Variants in PICALM observed in about 807,000 individuals in gnomAD.
The protein encoded by PICALM is phosphatidylinositol-binding clathrin assembly protein.
Under a neutral mutation model 80.5 loss-of-function variants are expected in PICALM, and 40 were observed. The ratio of observed to expected loss-of-function variants is 0.50; its 90% CI spans 0.39 to 0.65. PICALM has a LOEUF of 0.65. PICALM is among the 30% of genes least tolerant of loss of function. The probability of loss-of-function intolerance (pLI) is 0.00; values close to 1 mark genes in which losing one functional copy is unlikely to be tolerated. For missense variants in PICALM, 676 were observed against 778.9 expected (o/e 0.87, Z 1.57); for synonymous variants, 288 against 260.3 (o/e 1.11, Z -1.02).
chr11:86,043,057 C>T (rs1480573676), intron 1 of PICALM, among the ~76,000 whole-genome samples: 3 of 152,038 alleles, frequency 2.0e-5, no homozygotes, highest in Non-Finnish European at 4.4e-5. Flanking sequence ...GTCCAGGGTC[C>T]CATTCAGATA....
intron 11 of PICALM, among the ~76,000 whole-genome samples, 155 bp from the exon 12 acceptor site, chr11:85,997,084 C>T (rs2094990821): frequency 6.6e-6 from 1 of 152,158 alleles, no homozygotes. Context: ...CTTCATATGA[C>T]AGCATATTTC....
At chr11:86,007,143 TCAAA>T (rs1406617615) in intron 8 of PICALM, among the ~76,000 whole-genome samples, 2 of 152,200 alleles carry the variant, frequency 1.3e-5, no homozygotes, top group African/African-American at 2.4e-5. Context: ...CCCACCTGAG[TCAAA>T]CAGTCAAAGT....
At chr11:86,007,639 A>G in intron 7 of PICALM, 56 bp from the exon 8 acceptor site, 1 of 784,254 alleles carries the variant, frequency 1.3e-6, no homozygotes, top group South Asian at 2.5e-5. Flanking sequence ...TATAAATAAA[A>G]TTTGGAAAAA....
intron 1 of PICALM, among the ~76,000 whole-genome samples, chr11:86,053,133 T>G (rs1039641346): frequency 2.0e-5 from 3 of 152,226 alleles, no homozygotes; most frequent in Non-Finnish European, 4.4e-5. Context: ...GATTAGTGTT[T>G]CACAATAATC....
At chr11:85,980,413 A>C (rs975952295) in intron 17 of PICALM, among the ~76,000 whole-genome samples, 1 of 152,226 alleles carries the variant, frequency 6.6e-6, no homozygotes, top group Admixed American at 6.5e-5. Flanking sequence ...ATATACTAGA[A>C]TGAGGTTTTC....
intron 19 of PICALM, among the ~76,000 whole-genome samples, chr11:85,962,962 G>C (rs1236152999): frequency 6.6e-6 from 1 of 152,130 alleles, no homozygotes; most frequent in Non-Finnish European, 1.5e-5. Flanking sequence ...GAGAAGGAAA[G>C]GAAATGTGCT....
At chr11:86,061,461 C>G (rs2096364606) in intron 1 of PICALM, among the ~76,000 whole-genome samples, 1 of 151,688 alleles carries the variant, frequency 6.6e-6, no homozygotes, top group African/African-American at 2.4e-5. Flanking sequence ...AGGACAATGA[C>G]CTTAACGGAC....
intron 4 of PICALM, among the ~76,000 whole-genome samples, chr11:86,017,154 C>T (rs1392188045): frequency 6.6e-6 from 1 of 150,640 alleles, no homozygotes; most frequent in Non-Finnish European, 1.5e-5. Context: ...ATCTGGAAGG[C>T]GGAGGTTGCA....
Position 85,992,739 on chromosome 11 carries a change from C to A in PICALM, c.1259-2340G>T, listed in dbSNP as rs368887907. Among the ~76,000 whole-genome samples, 4 of 152,060 alleles carry A rather than the reference C, an allele frequency of 2.6e-5. No individual in the cohort carries two copies. In the South Asian group the frequency reaches 6.2e-4, roughly 24 times the overall value. ...AAGACACATTATTTCTGTAACAGAT[C>A]CATTGGTTTATGAGAAAACACATGT... On this transcript the variant is annotated intron_variant, in intron 12 of 19. Coordinates refer to ENST00000393346, the MANE Select transcript of PICALM (RefSeq NM_007166.4).
intron 6 of PICALM, among the ~76,000 whole-genome samples, chr11:86,011,999 A>C (rs986096622): frequency 1.3e-5 from 2 of 151,980 alleles, no homozygotes; most frequent in Non-Finnish European, 2.9e-5. Context: ...ACCCAGCTAA[A>C]TTTTAAAGGC....
intron 19 of PICALM, among the ~76,000 whole-genome samples, chr11:85,972,481 T>C (rs560750900): frequency 5.3e-5 from 8 of 152,290 alleles, no homozygotes; most frequent in South Asian, 2.1e-4. Flanking sequence ...AATGTGACGG[T>C]GAGAGCAGAC....
At chr11:86,002,710 C>T (rs574113808) in intron 9 of PICALM, among the ~76,000 whole-genome samples, 2 of 152,206 alleles carry the variant, frequency 1.3e-5, no homozygotes, top group South Asian at 4.1e-4. Flanking sequence ...CAAATTAATA[C>T]GAAAGTATCT....
intron 1 of PICALM, among the ~76,000 whole-genome samples, chr11:86,035,049 CTG>C (rs2095816485): frequency 6.6e-6 from 1 of 151,350 alleles, no homozygotes; most frequent in South Asian, 2.1e-4. Context: ...ACGTTCTCGA[CTG>C]AAAACTAATT....
At chr11:85,992,067 C>A (rs2094798336) in intron 12 of PICALM, among the ~76,000 whole-genome samples, 1 of 152,142 alleles carries the variant, frequency 6.6e-6, no homozygotes, top group African/African-American at 2.4e-5. Context: ...TAGTCTTGAA[C>A]ACCTGCCTGG....
At chr11:85,986,136 T>TA (rs895404233) in intron 13 of PICALM, among the ~76,000 whole-genome samples, 41 of 152,116 alleles carry the variant, frequency 2.7e-4, no homozygotes, top group African/African-American at 9.2e-4. Context: ...AAAAAAAAGT[T>TA]AAAAAAAGAA....
At chr11:85,972,202 G>C (rs1242883750) in intron 19 of PICALM, among the ~76,000 whole-genome samples, 1 of 152,206 alleles carries the variant, frequency 6.6e-6, no homozygotes, top group East Asian at 1.9e-4. Context: ...AAACTGTAGA[G>C]AATATTCTTT....
At chr11:86,065,928 AAAC>A (rs1480500608) in intron 1 of PICALM, among the ~76,000 whole-genome samples, 2 of 152,228 alleles carry the variant, frequency 1.3e-5, no homozygotes, top group South Asian at 2.1e-4. Context: ...CTTATACGAA[AAAC>A]AACAGTCCTA....
At chr11:86,024,402 T>C (rs1317178458) in intron 3 of PICALM, among the ~76,000 whole-genome samples, 3 of 145,522 alleles carry the variant, frequency 2.1e-5, no homozygotes, top group Non-Finnish European at 3.0e-5. Context: ...CAAACTCAAA[T>C]ACAGCCAGTC....
At chr11:86,024,882 T>A (rs1011362615) in intron 3 of PICALM, among the ~76,000 whole-genome samples, 5 of 152,154 alleles carry the variant, frequency 3.3e-5, no homozygotes, top group African/African-American at 1.2e-4. Flanking sequence ...TTCTCATCCT[T>A]CTCTTGAAGC....
Sources: allele counts gnomAD v4.1 joint callset (sites outside exome capture counted in the v4.1 genomes callset), GRCh38; gene constraint gnomAD v4.1.1; transcripts MANE v1.5; gene names NCBI Gene and HGNC (gene_info 2026-07-23, HGNC 2026-07-21).